Variants in BCR observed in about 807,000 individuals in gnomAD.
BCR encodes the protein breakpoint cluster region protein.
Under a neutral mutation model 138.6 loss-of-function variants are expected in BCR, and 58 were observed. The ratio of observed to expected loss-of-function variants is 0.42; its 90% confidence interval spans 0.34 to 0.52. The LOEUF is 0.52. Ranked by LOEUF, BCR falls within the 20% of genes least tolerant of loss-of-function variation. The probability of loss-of-function intolerance (pLI) is 0.06; values close to 1 mark genes in which losing one functional copy is unlikely to be tolerated. For missense variants in BCR, 1,599 were observed against 1,727.2 expected, an observed-to-expected ratio of 0.93 and a Z score of 1.32; for synonymous variants, 786 against 730.1, an observed-to-expected ratio of 1.08 and a Z score of -1.23.
At chr22:23,288,006 C>A (rs139723447) in intron 11 of BCR, 91 bp from the exon 12 acceptor site, 3 of 1,244,736 alleles carry the variant, frequency 2.4e-6, no homozygotes, top group African/African-American at 1.5e-5. Flanking sequence ...GCTGGAGATA[C>A]GAGTTGTGTG....
In BCR at chr22:23,273,112, G is replaced by A. The variant is rs377473236; in HGVS notation, c.1953G>A (p.Thr651=). 1.6e-4 allele frequency: 262 copies of A among 1,613,456 alleles called. No individual in the cohort carries two copies. The highest frequency in any genetic ancestry group is 2.0e-4 in the Non-Finnish European group (241 of 1,179,730). Residue 651 remains threonine (T), a synonymous_variant, in exon 7 of 23, where the codon ACG becomes ACA. Coordinates refer to ENST00000305877, the MANE Select transcript of BCR (RefSeq NM_004327.4). ...TCTACAAGCCTGTGGACCGTGTGAC[G>A]AGGAGCACGCTGGTCCTCCATGTAA... ...TLLYKPVDRV[T]RSTLVLHDLL...
In BCR at chr22:23,181,088, G is replaced by T; in HGVS notation, c.128G>T (p.Arg43Leu). ...CTGGAGCGCTGCAAGGCCTCCATTC[G>T]GCGCCTGGAGCAGGAGGTGAACCAG... The part of the protein sequence containing the change: ...QELERCKASI[R>L]RLEQEVNQER... The change falls in exon 1 of 23, where the codon CGG becomes CTG. Residue 43 changes from arginine to leucine, a missense_variant. Arg to Leu is a moderately radical substitution (Grantham distance 102, BLOSUM62 -2). Around this residue, in one of 4 missense-constraint regions of BCR, gnomAD observed 806 missense variants for 635.0 expected, o/e 1.27. Coordinates refer to ENST00000305877, the MANE Select transcript of BCR (RefSeq NM_004327.4). 6.6e-7 allele frequency: 1 copy of T among 1,514,498 alleles called. No homozygotes were observed. The highest frequency in any genetic ancestry group is 2.6e-5 in the East Asian group (1 of 38,668). 93.8% of individuals were successfully genotyped at this position (1,514,498 alleles called of 1,614,324 possible).
In BCR at chr22:23,268,453, G is replaced by C. The variant is rs1425223732; in HGVS notation, c.1798G>C (p.Val600Leu). 2.5e-6 allele frequency: 4 copies of C among 1,613,978 alleles called. No homozygotes were observed. In the South Asian group the frequency reaches 4.4e-5, roughly 18 times the overall value. ...VYRAFVDNYGVAMEMAEKCCQ... is the reference protein window; with the variant it reads ...VYRAFVDNYGLAMEMAEKCCQ... Reference sequence around the variant, plus strand: ...CCGGGCCTTCGTGGACAACTACGGAGTTGCCATGGAAATGGCTGAGAAGTG... The same window carrying C: ...CCGGGCCTTCGTGGACAACTACGGACTTGCCATGGAAATGGCTGAGAAGTG... Residue 600 changes from valine to leucine, a missense_variant, in exon 5 of 23, where the codon GTT becomes CTT. Around this residue, in one of 4 missense-constraint regions of BCR, gnomAD observed 590 missense variants for 762.4 expected, o/e 0.77. Coordinates refer to ENST00000305877, the MANE Select transcript of BCR (RefSeq NM_004327.4).
At chr22:23,262,904 G>C in intron 4 of BCR, 1 of 1,086,344 alleles carries the variant, frequency 9.2e-7, no homozygotes, top group Admixed American at 5.0e-5. Context: ...AGGCGGGAGC[G>C]AGGACACGCC....
intron 1 of BCR, among the ~76,000 whole-genome samples, chr22:23,247,840 T>C (rs951110304): frequency 6.6e-6 from 1 of 152,242 alleles, no homozygotes; most frequent in Admixed American, 6.5e-5. Flanking sequence ...GTCTGGCTTA[T>C]TCCACTAAGC....
chr22:23,297,612 A>G (rs2073861082), intron 16 of BCR, among the ~76,000 whole-genome samples: 1 of 152,004 alleles, frequency 6.6e-6, no homozygotes, highest in Non-Finnish European at 1.5e-5. Flanking sequence ...TCCAGCCTGC[A>G]TCTGGCACAG....
intron 7 of BCR, 58 bp downstream of exon 7, chr22:23,273,191 CA>C: frequency 6.4e-7 from 1 of 1,559,424 alleles, no homozygotes; most frequent in Non-Finnish European, 8.8e-7. Flanking sequence ...GCACACACAG[CA>C]ACAATGTTCT....
intron 2 of BCR, among the ~76,000 whole-genome samples, chr22:23,259,883 G>T (rs949487028): frequency 2.6e-5 from 4 of 152,146 alleles, no homozygotes; most frequent in African/African-American, 9.7e-5. Flanking sequence ...AGCTACTTGG[G>T]AGGCTCAGAT....
rs114003844 is a variant in BCR at position 23,201,050 on chromosome 22, A to G, written c.1279+18811A>G. 9.7e-3 allele frequency among the ~76,000 whole-genome samples: 1,481 copies of G among 152,366 alleles called. 18 individuals carry two copies. The highest frequency in any genetic ancestry group is 0.033 in the African/African-American group (1,364 of 41,580). On this transcript the variant is annotated intron_variant, in intron 1 of 22. Transcript: ENST00000305877. ...GTGCTTGGTGCTGCTAAGCCCAAAG[A>G]ACAGAGTGGTTACAGGAAATGGAAC...
chr22:23,237,714 C>T (rs114968124), intron 1 of BCR, among the ~76,000 whole-genome samples: 5,721 of 152,226 alleles, frequency 0.038, 381 homozygotes, highest in African/African-American at 0.13. Flanking sequence ...AGACGGGCGG[C>T]GTGAAGGCCG....
intron 1 of BCR, among the ~76,000 whole-genome samples, chr22:23,212,908 T>C (rs2072703172): frequency 6.6e-6 from 1 of 152,214 alleles, no homozygotes; most frequent in South Asian, 2.1e-4. Flanking sequence ...AATCAGTGTC[T>C]TGTCTGCAGA....
chr22:23,275,178 G>A (rs1410331575), intron 8 of BCR, among the ~76,000 whole-genome samples: 1 of 152,242 alleles, frequency 6.6e-6, no homozygotes, highest in African/African-American at 2.4e-5. Flanking sequence ...GACTTGGTCA[G>A]GTTTCTCCTG....
At chr22:23,207,630 C>T (rs1438012709) in intron 1 of BCR, among the ~76,000 whole-genome samples, 2 of 152,002 alleles carry the variant, frequency 1.3e-5, no homozygotes, top group African/African-American at 2.4e-5. Flanking sequence ...CTCTGAAAAA[C>T]AAAACAAACA....
chr22:23,314,982 T>TG (rs1221831438), intron 22 of BCR, among the ~76,000 whole-genome samples: 1 of 152,234 alleles, frequency 6.6e-6, no homozygotes, highest in Non-Finnish European at 1.5e-5. Context: ...CCCAGCACTT[T>TG]GGGAGGCCAA....
rs2146187848 is a variant in BCR at position 23,181,148 on chromosome 22, T to A, written c.188T>A (p.Leu63Gln). ...RFRMIYLQTLLAKEKKSYDRQ... is the reference protein window; with the variant it reads ...RFRMIYLQTLQAKEKKSYDRQ... ...CGCATGATCTACCTGCAGACGTTGC[T>A]GGCCAAGGAAAAGAAGAGCTATGAC... The change falls in exon 1 of 23, where the codon CTG (leucine) becomes CAG (glutamine). Residue 63 changes from leucine to glutamine, a missense_variant. Coordinates refer to ENST00000305877, the MANE Select transcript of BCR (RefSeq NM_004327.4). 1.4e-6 allele frequency: 2 copies of A among 1,459,758 alleles called. No individual in the cohort carries two copies. The highest frequency in any genetic ancestry group is 2.8e-5 in the East Asian group (1 of 35,790). The allele number at this position is 1,459,758 out of a possible 1,614,324, so 90.4% of individuals were successfully genotyped here.
chr22:23,206,576 C>CAAAA lies in BCR; in HGVS notation c.1279+24350_1279+24353dup, dbSNP rs559810867. ...TGGGCAACATAGCGAGACTCCGTCT[C>CAAAA]AAAAAAAAAAAAAAAAGTTAAGAAA... On this transcript the variant is annotated intron_variant, in intron 1 of 22. Transcript: ENST00000305877. Among the ~76,000 whole-genome samples, 133 of 89,724 alleles carry CAAAA rather than the reference C, an allele frequency of 1.5e-3. 2 individuals are homozygous for CAAAA. The highest frequency in any genetic ancestry group is 4.6e-3 in the African/African-American group (123 of 26,524). The allele number at this position is 89,724 out of a possible 152,430, so 58.9% of individuals were successfully genotyped here. A position where few individuals can be genotyped will look rare whatever the true frequency, so the allele number is the denominator to read the frequency against.
chr22:23,183,160 C>T (rs554882256), intron 1 of BCR, among the ~76,000 whole-genome samples: 2 of 152,300 alleles, frequency 1.3e-5, no homozygotes, highest in South Asian at 2.1e-4. Context: ...ATGCAAATAC[C>T]ATCAGGCATT....
At chr22:23,230,505 G>T (rs1315365472) in intron 1 of BCR, among the ~76,000 whole-genome samples, 1 of 152,254 alleles carries the variant, frequency 6.6e-6, no homozygotes, top group Non-Finnish European at 1.5e-5. Context: ...CACTGCGGAT[G>T]CAGGCCTGCC....
At chr22:23,254,372 C>T (rs1001032653) in intron 2 of BCR, among the ~76,000 whole-genome samples, 4 of 152,176 alleles carry the variant, frequency 2.6e-5, no homozygotes, top group Non-Finnish European at 5.9e-5. Context: ...CTGAGGATGG[C>T]TCCATCCATG....
Sources: allele counts gnomAD v4.1 joint callset (sites outside exome capture counted in the v4.1 genomes callset), GRCh38; gene constraint gnomAD v4.1.1; regional missense constraint gnomAD v4.1.1; transcripts MANE v1.5; gene names NCBI Gene and HGNC (gene_info 2026-07-23, HGNC 2026-07-21).